The following RITA1 variants were observed in gnomAD, a reference collection of about 807,000 sequenced individuals.
The protein encoded by RITA1 is RBPJ-interacting and tubulin-associated protein 1.
A neutral mutation model predicts 8.7 loss-of-function variants in RITA1; 15 were observed. The ratio of observed to expected loss-of-function variants is 1.72; its 90% CI spans 1.15 to 2.65. The LOEUF is 2.65. RITA1 is among the 30% of genes most tolerant of loss of function. The pLI is 0.00. For synonymous variants in RITA1, 145 were observed against 156.2 expected, an observed-to-expected ratio of 0.93 and a Z score of 0.53; for missense variants, 330 against 363.8, an observed-to-expected ratio of 0.91 and a Z score of 0.76.
rs982457376 is a variant in RITA1 at position 113,191,197 on chromosome 12, ATCTGCAGGCAACC to A, written c.303-112_303-100del. 2.2e-6 allele frequency: 3 copies of A among 1,364,122 alleles called. No individual in the cohort carries two copies. The African/African-American group carries it at 4.4e-5, about 20-fold the overall frequency. The allele number at this position is 1,364,122 out of a possible 1,614,324, so 84.5% of individuals were successfully genotyped here. ...AGACTGGGAGACAAGGACTCCTGGGATCTGCAGGCAACCCTCCTCTGCTGCTGCCATCCCAGGG... is the reference window on the plus strand; with the variant it reads ...AGACTGGGAGACAAGGACTCCTGGGACTCCTCTGCTGCTGCCATCCCAGGG... On this transcript the variant is annotated intron_variant, in intron 3 of 3. Coordinates refer to ENST00000548278, the MANE Select transcript of RITA1 (RefSeq NM_032848.3). The surrounding 1 kb of genome is among the most constrained non-coding windows in gnomAD (Gnocchi z 4.0).
In RITA1 at chr12:113,192,070, C is replaced by A. The variant is rs1952616049; in HGVS notation, c.*253C>A. On this transcript the variant is annotated 3_prime_UTR_variant, in exon 4 of 4. Coordinates refer to ENST00000548278, the MANE Select transcript of RITA1 (RefSeq NM_032848.3). ...CTCCAGCCCTGTCTCAACCATACTCCAAATTAGTGCCAACCCAGGGGCCTG... is the reference window on the plus strand; with the variant it reads ...CTCCAGCCCTGTCTCAACCATACTCAAAATTAGTGCCAACCCAGGGGCCTG... 2 of 471,100 alleles carry A rather than the reference C, an allele frequency of 4.2e-6. No homozygotes were observed. Among genetic ancestry groups the A allele is most frequent in the Non-Finnish European group, 7.4e-6 (2 of 269,754 alleles). 29.2% of individuals were successfully genotyped at this position (471,100 alleles called of 1,614,324 possible). A position where few individuals can be genotyped will look rare whatever the true frequency, so the allele number is the denominator to read the frequency against.
At position 113,186,941 on chromosome 12, in the gene RITA1, C is replaced by A; in HGVS notation, c.195C>A (p.Gly65=). The change falls in exon 3 of 4, where the codon GGC becomes GGA. Residue 65 remains glycine (G), a synonymous_variant. Coordinates refer to ENST00000548278, the MANE Select transcript of RITA1 (RefSeq NM_032848.3). ...TGGAGAAGGCTAACAGAACCAGAGG[C>A]GTGGGCAAGGAGGCATCGAAGGCCT... ...PWVEKANRTR[G]VGKEASKALG... 1 of 1,614,056 alleles carries A rather than the reference C, an allele frequency of 6.2e-7. No individual in the cohort carries two copies. The highest frequency in any genetic ancestry group is 8.5e-7 in the Non-Finnish European group (1 of 1,179,984).
At position 113,191,660 on chromosome 12, in the gene RITA1, C is replaced by G. The variant is rs1020761978; in HGVS notation, c.653C>G (p.Pro218Arg). 1 of 1,614,058 alleles carries G rather than the reference C, an allele frequency of 6.2e-7. No homozygotes were observed. The highest frequency in any genetic ancestry group is 1.3e-5 in the African/African-American group (1 of 74,944). Reference sequence around the variant, plus strand: ...ACTGGTCATCCAGCCACCAGTGCCCCCCACACAAATGGGCCTCAGGATCTC... The same window carrying G: ...ACTGGTCATCCAGCCACCAGTGCCCGCCACACAAATGGGCCTCAGGATCTC... The part of the protein sequence containing the change: ...PSTGHPATSA[P>R]HTNGPQDLRP... Residue 218 changes from proline (P) to arginine (R), a missense_variant, in exon 4 of 4, where the codon CCC (proline) becomes CGC (arginine). Pro to Arg is a moderately radical substitution (Grantham distance 103). Coordinates refer to ENST00000548278, the MANE Select transcript of RITA1 (RefSeq NM_032848.3). This position sits in a 1 kb window ranked among gnomAD's most constrained non-coding sequence, Gnocchi z 4.0.
intron 3 of RITA1, among the ~76,000 whole-genome samples, chr12:113,188,786 CCTTTTTTTTTTTTTTTT>C (rs1952566348): frequency 1.6e-5 from 1 of 64,306 alleles, no homozygotes; most frequent in African/African-American, 5.7e-5. Flanking sequence ...GCCTTAGTTA[CCTTTTTTTTTTTTTTTT>C]TTTTTTTTTT....
At position 113,187,050 on chromosome 12, in the gene RITA1, T is replaced by G; in HGVS notation, c.302+2T>G. On this transcript the variant is annotated splice_donor_variant, in intron 3 of 3. Transcript: ENST00000548278. LOFTEE classifies it high-confidence loss of function. ...ACCAAGGAAGAAGAACAAATACAGG[T>G]AATGGGGTAGGGAGATGCAAATCCT... 6.4e-7 allele frequency: 1 copy of G among 1,567,510 alleles called. No homozygotes were observed.
At position 113,191,707 on chromosome 12, in the gene RITA1, AC is replaced by A; in HGVS notation, c.702del (p.Phe235SerfsTer6). On this transcript the variant is annotated frameshift_variant, in exon 4 of 4. Coordinates refer to ENST00000548278, the MANE Select transcript of RITA1 (RefSeq NM_032848.3). LOFTEE classifies it low-confidence loss of function (END_TRUNC). The surrounding 1 kb of genome is among the most constrained non-coding windows in gnomAD (Gnocchi z 4.0). ...QDLRPSTSGV[T>X]FRSPLVTSRA... is the part of the protein sequence containing the mutation. ...TCTCAGGCCTTCCACGTCAGGGGTG[AC>A]CTTCCGGAGCCCCCTGGTGACTTCC... 6.2e-7 allele frequency: 1 copy of A among 1,613,972 alleles called. No homozygotes were observed. The highest frequency in any genetic ancestry group is 8.5e-7 in the Non-Finnish European group (1 of 1,179,978).
intron 3 of RITA1, among the ~76,000 whole-genome samples, chr12:113,190,639 T>C (rs1843560984): frequency 6.6e-6 from 1 of 152,186 alleles, no homozygotes; most frequent in South Asian, 2.1e-4. Flanking sequence ...CAGAGTGAGA[T>C]CGTGTCTCAC....
At chr12:113,186,624 G>T in intron 2 of RITA1, 59 bp from the exon 3 acceptor site, 1 of 1,474,524 alleles carries the variant, frequency 6.8e-7, no homozygotes, top group Non-Finnish European at 9.0e-7. Flanking sequence ...AGACACTACC[G>T]GTCTTCCTCC....
rs536903305 is a variant in RITA1, at chr12:113,190,114, G to A, written c.303-1196G>A. Among the ~76,000 whole-genome samples, 369 of 151,688 alleles carry A rather than the reference G, an allele frequency of 2.4e-3. 1 individual carries two copies. Among genetic ancestry groups the A allele is most frequent in the Admixed American group, 3.8e-3 (58 of 15,216 alleles). On this transcript the variant is annotated intron_variant, in intron 3 of 3. Transcript: ENST00000548278. ...GGAGGCCGAGGTGGGTAGATCATGA[G>A]GTCAGGAATTGAAGACCAGCCTGGC...
chr12:113,189,695 G>A lies in RITA1; in HGVS notation c.303-1615G>A, dbSNP rs115362382. ...AGTCCTGGCCAAAAAAACTATGGGC[G>A]TGGAATCTTGCAGGTATGCCGTGAA... On this transcript the variant is annotated intron_variant, in intron 3 of 3. Coordinates refer to ENST00000548278, the MANE Select transcript of RITA1 (RefSeq NM_032848.3). 4.4e-3 allele frequency among the ~76,000 whole-genome samples: 665 copies of A among 149,642 alleles called. 2 individuals are homozygous for A. Among genetic ancestry groups the A allele is most frequent in the African/African-American group, 0.016 (646 of 40,466 alleles).
intron 3 of RITA1, among the ~76,000 whole-genome samples, chr12:113,190,152 A>C (rs1348561060): frequency 1.3e-5 from 2 of 149,946 alleles, no homozygotes; most frequent in Admixed American, 6.7e-5. Context: ...ACATGGTGAA[A>C]CCCCCCCCGT....
At position 113,185,766 on chromosome 12, in the gene RITA1, T is replaced by C; in HGVS notation, c.-452T>C. Reference sequence around the variant, plus strand: ...GGTTGCTGGGTGCAAAGTGCTGGGTTCTGGGTTTCTGGATTCGCGGGCCGT... The same window carrying C: ...GGTTGCTGGGTGCAAAGTGCTGGGTCCTGGGTTTCTGGATTCGCGGGCCGT... On this transcript the variant is annotated 5_prime_UTR_variant, in exon 1 of 4. Transcript: ENST00000548278. 2 of 606,784 alleles carry C rather than the reference T, an allele frequency of 3.3e-6. No individual in the cohort carries two copies. The highest frequency in any genetic ancestry group is 2.9e-6 in the Non-Finnish European group (1 of 348,180). The allele number at this position is 606,784 out of a possible 1,614,324, so 37.6% of individuals were successfully genotyped here. A position where few individuals can be genotyped will look rare whatever the true frequency, so the allele number is the denominator to read the frequency against.
At position 113,191,685 on chromosome 12, in the gene RITA1, C is replaced by T; in HGVS notation, c.678C>T (p.Leu226=). 1 of 1,614,166 alleles carries T rather than the reference C, an allele frequency of 6.2e-7. No homozygotes were observed. Among genetic ancestry groups the T allele is most frequent in the Non-Finnish European group, 8.5e-7 (1 of 1,180,030 alleles). ...SAPHTNGPQD[L]RPSTSGVTFR... is the part of the protein sequence containing the mutation. ...CCCACACAAATGGGCCTCAGGATCT[C>T]AGGCCTTCCACGTCAGGGGTGACCT... The change falls in exon 4 of 4, where the codon CTC becomes CTT. Residue 226 remains leucine (L), a synonymous_variant. Transcript: ENST00000548278. This position sits in a 1 kb window ranked among gnomAD's most constrained non-coding sequence, Gnocchi z 4.0.
At chr12:113,186,456 CAG>C in intron 2 of RITA1, 140 bp downstream of exon 2, 1 of 1,367,518 alleles carries the variant, frequency 7.3e-7, no homozygotes, top group South Asian at 1.7e-5. Context: ...CCTTCACCGC[CAG>C]AGTCATTCTG....
chr12:113,189,157 A>G (rs1017133009), intron 3 of RITA1, among the ~76,000 whole-genome samples: 2 of 151,936 alleles, frequency 1.3e-5, no homozygotes, highest in Non-Finnish European at 2.9e-5. Context: ...CCAAGTGTAG[A>G]GACATTTGGG....
Position 113,185,887 on chromosome 12 carries a change from C to G in RITA1, c.-331C>G. ...CCGGGGGTCCGGGGCCCCAGGCATT[C>G]CGGGCTGCAGATTGACGGGGATCCC... On this transcript the variant is annotated 5_prime_UTR_variant, in exon 1 of 4. Transcript: ENST00000548278. 7.2e-7 allele frequency: 1 copy of G among 1,393,860 alleles called. No individual in the cohort carries two copies. Among genetic ancestry groups the G allele is most frequent in the South Asian group, 1.3e-5 (1 of 76,220 alleles). 86.3% of individuals were successfully genotyped at this position (1,393,860 alleles called of 1,614,324 possible).
At chr12:113,189,635 T>A (rs547324281) in intron 3 of RITA1, among the ~76,000 whole-genome samples, 54 of 151,700 alleles carry the variant, frequency 3.6e-4, no homozygotes, top group Middle Eastern at 3.4e-3. Context: ...GCTTGCCCTT[T>A]CAAAGACTTG....
At chr12:113,190,608 C>A (rs963107610) in intron 3 of RITA1, among the ~76,000 whole-genome samples, 1 of 152,170 alleles carries the variant, frequency 6.6e-6, no homozygotes, top group Non-Finnish European at 1.5e-5. Flanking sequence ...GTGACTGTGC[C>A]ACTACACTCC....
At position 113,185,761 on chromosome 12, in the gene RITA1, T is replaced by C. The variant is rs890758405; in HGVS notation, c.-457T>C. 3 of 601,394 alleles carry C rather than the reference T, an allele frequency of 5.0e-6. No homozygotes were observed. In the African/African-American group the frequency reaches 5.6e-5, roughly 11 times the overall value. The allele number at this position is 601,394 out of a possible 1,614,324, so 37.3% of individuals were successfully genotyped here. A position where few individuals can be genotyped will look rare whatever the true frequency, so the allele number is the denominator to read the frequency against. ...TCCCTGGTTGCTGGGTGCAAAGTGC[T>C]GGGTTCTGGGTTTCTGGATTCGCGG... is the stretch of plus-strand genomic sequence containing the variant. On this transcript the variant is annotated 5_prime_UTR_variant, in exon 1 of 4. Transcript: ENST00000548278.
Sources: allele counts gnomAD v4.1 joint callset (sites outside exome capture counted in the v4.1 genomes callset), GRCh38; gene constraint gnomAD v4.1.1; non-coding constraint Gnocchi (gnomAD v3.1); transcripts MANE v1.5; gene names NCBI Gene and HGNC (gene_info 2026-07-23, HGNC 2026-07-21).